The following MNT variants were observed in gnomAD, a reference collection of about 807,000 sequenced individuals.
MNT encodes the protein max-binding protein MNT.
A neutral mutation model predicts 40.7 loss-of-function variants in MNT; 13 were observed. The observed-to-expected ratio is 0.32, with a 90% CI of 0.21 to 0.51. The LOEUF (loss-of-function observed/expected upper bound fraction) is 0.51, where lower values mean the gene tolerates loss of function less well. MNT is among the 20% of genes least tolerant of loss of function. MNT has a pLI of 0.98. For synonymous variants in MNT, 426 were observed against 354.8 expected, an observed-to-expected ratio of 1.20 and a Z score of -2.26; for missense variants, 757 against 792.0, an observed-to-expected ratio of 0.96 and a Z score of 0.53.
rs2066457556 is a variant in MNT at position 2,386,150 on chromosome 17, C to T, written c.*751G>A. 1 of 152,274 alleles carries T rather than the reference C, an allele frequency of 6.6e-6. No individual in the cohort carries two copies. Among genetic ancestry groups the T allele is most frequent in the South Asian group, 2.1e-4 (1 of 4,834 alleles). 9.4% of individuals were successfully genotyped at this position (152,274 alleles called of 1,614,324 possible). A position where few individuals can be genotyped will look rare whatever the true frequency, so the allele number is the denominator to read the frequency against. On this transcript the variant is annotated 3_prime_UTR_variant, in exon 6 of 6. Transcript: ENST00000174618. ...GACAGCCAAGTCCCTCCTTCCCCAC[C>T]TCAGCCTGCCCTCCTGAGGTCCAGA...
Position 2,394,997 on chromosome 17 carries a change from C to G in MNT, c.531G>C (p.Ala177=). The change falls in exon 2 of 6, where the codon GCG becomes GCC. Residue 177 remains alanine, a synonymous_variant. Transcript: ENST00000174618. Reference sequence around the variant, plus strand: ...GCTGAGGCTGGACTCCAGGGTGTGGCGCTATGGTCAGGACAGGCGTGGGGA... The same window carrying G: ...GCTGAGGCTGGACTCCAGGGTGTGGGGCTATGGTCAGGACAGGCGTGGGGA... The part of the protein sequence containing the change: ...QPLPTPVLTI[A]PHPGVQPQLA... 1 of 1,605,614 alleles carries G rather than the reference C, an allele frequency of 6.2e-7. No individual in the cohort carries two copies. Among genetic ancestry groups the G allele is most frequent in the Non-Finnish European group, 8.5e-7 (1 of 1,176,466 alleles).
intron 4 of MNT, chr17:2,390,126 A>G (rs2447095): frequency 0.62 from 93,911 of 152,096 alleles, 30,164 homozygotes; most frequent in African/African-American, 0.79. Flanking sequence ...TGAAAGTGAG[A>G]ATGGCTGCAT....
At chr17:2,393,085 C>A (rs1567867685) in intron 4 of MNT, among the ~76,000 whole-genome samples, 1 of 152,144 alleles carries the variant, frequency 6.6e-6, no homozygotes, top group South Asian at 2.1e-4. Flanking sequence ...TGACGCCGCG[C>A]CGCCCCCGGA....
chr17:2,399,955 C>T (rs2066603189), intron 1 of MNT, among the ~76,000 whole-genome samples: 1 of 152,240 alleles, frequency 6.6e-6, no homozygotes, highest in Non-Finnish European at 1.5e-5. Flanking sequence ...CACCCAAACC[C>T]CGGACGCGCA....
intron 4 of MNT, among the ~76,000 whole-genome samples, chr17:2,392,233 C>T (rs1294947116): frequency 6.6e-6 from 1 of 152,226 alleles, no homozygotes; most frequent in Admixed American, 6.5e-5. Context: ...TCGCTAAAAG[C>T]ACCTCAATGA....
chr17:2,398,869 C>G (rs2066594794), intron 1 of MNT, among the ~76,000 whole-genome samples: 1 of 152,100 alleles, frequency 6.6e-6, no homozygotes, highest in African/African-American at 2.4e-5. Context: ...TGGGCGATGT[C>G]CCCGCCCATC....
chr17:2,386,174 G>C lies in MNT; in HGVS notation c.*727C>G, dbSNP rs1356702669. The C allele has an allele frequency of 3.9e-5, 6 of 152,316 alleles. No homozygotes were observed. The highest frequency in any genetic ancestry group is 8.8e-5 in the Non-Finnish European group (6 of 68,090). The allele number at this position is 152,316 out of a possible 1,614,324, so 9.4% of individuals were successfully genotyped here. ...CCTCAGCCTGCCCTCCTGAGGTCCAGAGCCCAGTGGCAGGGATTGGGGTGA... is the reference window on the plus strand; with the variant it reads ...CCTCAGCCTGCCCTCCTGAGGTCCACAGCCCAGTGGCAGGGATTGGGGTGA... On this transcript the variant is annotated 3_prime_UTR_variant, in exon 6 of 6. Coordinates refer to ENST00000174618, the MANE Select transcript of MNT (RefSeq NM_020310.3).
Position 2,398,373 on chromosome 17 carries a change from A to C in MNT, c.73+2267T>G, listed in dbSNP as rs117631812. 7.2e-3 allele frequency among the ~76,000 whole-genome samples: 1,097 copies of C among 152,266 alleles called. 6 individuals carry two copies. The highest frequency in any genetic ancestry group is 0.011 in the Non-Finnish European group (777 of 68,020). ...ACTGGCTGGTCTAGGTCAGAAACCC[A>C]TGCTTGCGGTTGAAAGGGAGAAAGG... On this transcript the variant is annotated intron_variant, in intron 1 of 5. Coordinates refer to ENST00000174618, the MANE Select transcript of MNT (RefSeq NM_020310.3).
intron 1 of MNT, among the ~76,000 whole-genome samples, chr17:2,397,032 G>A (rs1182437159): frequency 6.6e-6 from 1 of 152,140 alleles, no homozygotes; most frequent in Admixed American, 6.5e-5. Context: ...CCCTCCTGCA[G>A]AGGGAAGAGG....
intron 4 of MNT, chr17:2,389,386 C>T (rs2066494829): frequency 6.6e-6 from 1 of 152,218 alleles, no homozygotes; most frequent in Non-Finnish European, 1.5e-5. Context: ...AGCGATTCTC[C>T]TGCCTCAGCC....
At chr17:2,394,265 G>GCACACACACACACACACACACACA (rs1491569220) in intron 3 of MNT, 40 bp downstream of exon 3, 2 of 1,486,910 alleles carry the variant, frequency 1.3e-6, no homozygotes, top group African/African-American at 3.8e-5. Context: ...GGTCGCGCGC[G>GCACACACACACACACACACACACA]CACGCACGCA....
chr17:2,400,444 G>T, intron 1 of MNT, 196 bp downstream of exon 1: 1 of 507,944 alleles, frequency 2.0e-6, no homozygotes, highest in Non-Finnish European at 3.4e-6. Flanking sequence ...CTCGCAGCAT[G>T]TTAATGAATT....
intron 1 of MNT, among the ~76,000 whole-genome samples, chr17:2,395,900 G>GT (rs945361906): frequency 6.6e-6 from 1 of 152,084 alleles, no homozygotes; most frequent in East Asian, 1.9e-4. Flanking sequence ...CACACCAGAG[G>GT]GGGGGGTGTG....
At chr17:2,399,360 A>C (rs571330627) in intron 1 of MNT, among the ~76,000 whole-genome samples, 6 of 152,306 alleles carry the variant, frequency 3.9e-5, no homozygotes, top group African/African-American at 1.2e-4. Context: ...GGAGCGCCGA[A>C]GTTTGCCCTT....
chr17:2,393,846 C>T (rs1040236923), intron 4 of MNT, 197 bp downstream of exon 4: 4 of 294,262 alleles, frequency 1.4e-5, no homozygotes, highest in South Asian at 2.9e-4. Context: ...GCCGCGCCCT[C>T]CTCTGCGCAC....
Position 2,395,178 on chromosome 17 carries a change from G to A in MNT, c.350C>T (p.Ala117Val), listed in dbSNP as rs753921763. The A allele has an allele frequency of 1.5e-5, 22 of 1,456,656 alleles. No individual in the cohort carries two copies. The highest frequency in any genetic ancestry group is 4.3e-5 in the African/African-American group (3 of 70,000). The allele number at this position is 1,456,656 out of a possible 1,614,324, so 90.2% of individuals were successfully genotyped here. ...GCCAACCAGGGCCGGCTGACGAGGC[G>A]CCAGGGGCAGAGGCTGGGCTGCCGC... Reference protein sequence around the residue: ...LPAAAQPLPLAPRQPALVGAP... With the variant: ...LPAAAQPLPLVPRQPALVGAP... Residue 117 changes from alanine (A) to valine (V), a missense_variant, in exon 2 of 6, where the codon GCG (alanine) becomes GTG (valine). Ala to Val is a moderately conservative substitution (Grantham distance 64, BLOSUM62 0). Around this residue, in one of 4 missense-constraint regions of MNT, gnomAD observed 335 missense variants for 291.4 expected, o/e 1.15. Transcript: ENST00000174618.
intron 4 of MNT, among the ~76,000 whole-genome samples, chr17:2,392,528 C>G (rs1020624754): frequency 6.6e-6 from 1 of 152,248 alleles, no homozygotes; most frequent in Non-Finnish European, 1.5e-5. Flanking sequence ...AAGCAAATGT[C>G]GGGAGTGCAG....
chr17:2,396,125 C>CT, intron 1 of MNT, among the ~76,000 whole-genome samples: 1 of 152,288 alleles, frequency 6.6e-6, no homozygotes, highest in African/African-American at 2.4e-5. Flanking sequence ...ACAAGAGCCC[C>CT]ACGTCACATC....
chr17:2,387,809 G>C (rs1406311382), intron 5 of MNT, 48 bp downstream of exon 5: 1 of 1,558,542 alleles, frequency 6.4e-7, no homozygotes, highest in Non-Finnish European at 8.7e-7. Context: ...TGGAATTTGA[G>C]GTGTAACATC....
Sources: gnomAD v4.1 joint callset for allele counts (sites outside exome capture counted in the v4.1 genomes callset) on GRCh38, gnomAD v4.1.1 for gene constraint, gnomAD v4.1.1 regional missense constraint, MANE v1.5 for transcripts, NCBI Gene and HGNC (gene_info 2026-07-23, HGNC 2026-07-21) for gene names.